PPARGC1A: variants seen among roughly 807,000 people sequenced by gnomAD.
PPARGC1A encodes peroxisome proliferator-activated receptor gamma coactivator 1-alpha.
A neutral mutation model predicts 88.7 loss-of-function variants in PPARGC1A; 25 were observed. The observed-to-expected ratio is 0.28, with a 90% CI of 0.21 to 0.39. PPARGC1A has a LOEUF of 0.39. PPARGC1A is among the 10% of genes least tolerant of loss of function. The pLI is 1.00. For missense variants in PPARGC1A, 880 were observed against 968.7 expected (o/e 0.91, Z 1.22); for synonymous variants, 363 against 355.6 (o/e 1.02, Z -0.24).
chr4:24,344,103 T>TTATATATA, the PPARGC1A span, among the ~76,000 whole-genome samples: 2 of 151,102 alleles, frequency 1.3e-5, no homozygotes, highest in East Asian at 1.9e-4. Flanking sequence ...TAGTATTCCA[T>TTATATATA]TATATATATA....
chr4:24,150,732 G>A, the PPARGC1A span, among the ~76,000 whole-genome samples: 1 of 152,082 alleles, frequency 6.6e-6, no homozygotes, highest in Non-Finnish European at 1.5e-5. Context: ...GAGGACTCTG[G>A]TGCCAGGAAA....
chr4:23,808,685 G>C (rs939451787), intron 10 of PPARGC1A, among the ~76,000 whole-genome samples: 9 of 152,182 alleles, frequency 5.9e-5, no homozygotes, highest in African/African-American at 2.2e-4. Flanking sequence ...GGAAATTACA[G>C]GAAAGTGCCA....
the PPARGC1A span, among the ~76,000 whole-genome samples, chr4:24,049,322 A>ATATATG: frequency 1.6e-4 from 23 of 141,984 alleles, no homozygotes; most frequent in East Asian, 6.2e-4. Flanking sequence ...ATATATATAT[A>ATATATG]TGTGTGTGTG....
At chr4:23,911,788 A>G in the PPARGC1A span, among the ~76,000 whole-genome samples, 1 of 152,212 alleles carries the variant, frequency 6.6e-6, no homozygotes, top group Admixed American at 6.5e-5. Flanking sequence ...TATTGTGGAA[A>G]GAACCCTTAA....
chr4:23,924,955 G>A, the PPARGC1A span, among the ~76,000 whole-genome samples: 1 of 152,166 alleles, frequency 6.6e-6, no homozygotes, highest in Non-Finnish European at 1.5e-5. Flanking sequence ...ATCAGAATAT[G>A]TCAGCTTCAA....
At chr4:24,398,994 T>A in the PPARGC1A span, among the ~76,000 whole-genome samples, 11 of 152,352 alleles carry the variant, frequency 7.2e-5, no homozygotes, top group East Asian at 2.1e-3. Flanking sequence ...TTTTTACTAA[T>A]ATACTTTTTT....
intron 2 of PPARGC1A, among the ~76,000 whole-genome samples, chr4:23,844,764 A>AATAATATATGATATATC (rs1727901490): frequency 2.2e-5 from 1 of 45,568 alleles, no homozygotes. Flanking sequence ...TATATATTAT[A>AATAATATATGATATATC]ATAATATATG....
the PPARGC1A span, among the ~76,000 whole-genome samples, chr4:24,181,663 C>T: frequency 2.0e-5 from 3 of 152,084 alleles, no homozygotes; most frequent in African/African-American, 7.2e-5. Context: ...AAGAGAAAGA[C>T]CTCATACAGT....
chr4:24,292,248 C>T, the PPARGC1A span, among the ~76,000 whole-genome samples: 2 of 152,068 alleles, frequency 1.3e-5, no homozygotes, highest in Admixed American at 1.3e-4. Flanking sequence ...GCACTGCGAG[C>T]GAGAACTCTC....
the PPARGC1A span, among the ~76,000 whole-genome samples, chr4:24,371,794 A>AT: frequency 2.0e-5 from 3 of 151,384 alleles, no homozygotes; most frequent in African/African-American, 7.3e-5. Flanking sequence ...TACAAAAAAA[A>AT]AAAAAAATTG....
At chr4:23,972,685 A>G in the PPARGC1A span, among the ~76,000 whole-genome samples, 3 of 152,246 alleles carry the variant, frequency 2.0e-5, no homozygotes, top group South Asian at 6.2e-4. Flanking sequence ...TCATGAATAT[A>G]TGAAAGACTC....
the PPARGC1A span, among the ~76,000 whole-genome samples, chr4:24,287,090 T>G: frequency 6.6e-6 from 1 of 152,168 alleles, no homozygotes; most frequent in African/African-American, 2.4e-5. Context: ...GACATTCATT[T>G]TAGGTTGGAT....
the PPARGC1A span, among the ~76,000 whole-genome samples, chr4:24,065,569 G>A: frequency 6.6e-6 from 1 of 152,104 alleles, no homozygotes. Context: ...GGTGCTAAAA[G>A]GTGTCTCTAT....
At chr4:24,471,352 A>T in the PPARGC1A span, among the ~76,000 whole-genome samples, 10 of 151,820 alleles carry the variant, frequency 6.6e-5, no homozygotes, top group African/African-American at 1.9e-4. This position sits in a 1 kb window ranked among gnomAD's most constrained non-coding sequence, Gnocchi z 5.4. Flanking sequence ...GCGTGCACAC[A>T]CACACACACG....
the PPARGC1A span, among the ~76,000 whole-genome samples, chr4:24,072,185 T>C: frequency 1.4e-5 from 2 of 148,100 alleles, no homozygotes; most frequent in Admixed American, 6.8e-5. Context: ...TTAAATAATT[T>C]ATATATTAAA....
chr4:24,020,457 T>C, the PPARGC1A span, among the ~76,000 whole-genome samples: 1 of 152,166 alleles, frequency 6.6e-6, no homozygotes, highest in Non-Finnish European at 1.5e-5. Context: ...AAGTATAACA[T>C]CAATACAGAC....
chr4:24,118,634 C>A, the PPARGC1A span, among the ~76,000 whole-genome samples: 1 of 152,088 alleles, frequency 6.6e-6, no homozygotes, highest in Admixed American at 6.6e-5. Context: ...AACCATTTTC[C>A]TCCATTCTAG....
chr4:23,962,751 G>A, the PPARGC1A span, among the ~76,000 whole-genome samples: 1 of 152,114 alleles, frequency 6.6e-6, no homozygotes, highest in South Asian at 2.1e-4. Flanking sequence ...TAGGGAAGGT[G>A]ATAAATGCAA....
the PPARGC1A span, among the ~76,000 whole-genome samples, chr4:24,347,996 C>A: frequency 6.6e-6 from 1 of 152,022 alleles, no homozygotes; most frequent in African/African-American, 2.4e-5. Context: ...AGTAGTTTGC[C>A]ATTGGTAATG....
Sources: gnomAD v4.1 joint callset for allele counts (sites outside exome capture counted in the v4.1 genomes callset) on GRCh38, gnomAD v4.1.1 for gene constraint, Gnocchi (gnomAD v3.1) non-coding constraint, MANE v1.5 for transcripts, NCBI Gene and HGNC (gene_info 2026-07-23, HGNC 2026-07-21) for gene names.